HERC3: variants seen among roughly 807,000 people sequenced by gnomAD.
HERC3 encodes probable E3 ubiquitin-protein ligase HERC3.
A neutral mutation model predicts 129.9 loss-of-function variants in HERC3; 58 were observed. The ratio of observed to expected loss-of-function variants is 0.45; its 90% CI spans 0.36 to 0.56. HERC3 has a LOEUF of 0.56. Among genes scored for constraint, HERC3 ranks in the 20% least tolerant of loss-of-function variants. The pLI is 0.00. For synonymous variants in HERC3, 430 were observed against 451.0 expected, an observed-to-expected ratio of 0.95 and a Z score of 0.59; for missense variants, 835 against 1,244.2, an observed-to-expected ratio of 0.67 and a Z score of 4.95.
chr4:88,652,776 G>A lies in HERC3; in HGVS notation c.464-93G>A. On this transcript the variant is annotated intron_variant, in intron 5 of 25. Coordinates refer to ENST00000402738, the MANE Select transcript of HERC3 (RefSeq NM_014606.3). ...TGCTCTTGGGTGGGTTTGGTGTTGG[G>A]GGGCAACTGGCAAATGACCCTAATA... is the stretch of plus-strand genomic sequence containing the variant. 3.0e-6 allele frequency: 4 copies of A among 1,340,202 alleles called. No individual in the cohort carries two copies. The South Asian group carries it at 4.3e-5, about 14-fold the overall frequency. The allele number at this position is 1,340,202 out of a possible 1,614,324, so 83.0% of individuals were successfully genotyped here.
intron 23 of HERC3, among the ~76,000 whole-genome samples, chr4:88,689,405 G>C (rs899612890): frequency 1.3e-5 from 2 of 151,064 alleles, no homozygotes; most frequent in Admixed American, 6.6e-5. Flanking sequence ...TGTAGTTCCA[G>C]CTACTCAGGA....
At chr4:88,562,089 T>C in the HERC3 span, among the ~76,000 whole-genome samples, 1 of 152,324 alleles carries the variant, frequency 6.6e-6, no homozygotes, top group South Asian at 2.1e-4. Flanking sequence ...CCATAGTGGC[T>C]GTACTCATTT....
At chr4:88,652,372 T>TTTTTC (rs1472657512) in intron 5 of HERC3, among the ~76,000 whole-genome samples, 3 of 152,156 alleles carry the variant, frequency 2.0e-5, no homozygotes, top group African/African-American at 7.2e-5. Context: ...AGGAGATTGA[T>TTTTTC]TTTTCTTAGC....
chr4:88,703,544 G>A (rs184657158), intron 23 of HERC3, among the ~76,000 whole-genome samples: 18 of 152,080 alleles, frequency 1.2e-4, no homozygotes, highest in East Asian at 1.2e-3. Context: ...CAATTCACTC[G>A]TCTTCATTTG....
intron 10 of HERC3, among the ~76,000 whole-genome samples, chr4:88,660,617 T>G (rs1390805466): frequency 6.6e-6 from 1 of 152,218 alleles, no homozygotes; most frequent in African/African-American, 2.4e-5. Flanking sequence ...ATTCTAGGTC[T>G]TGGGAATTTA....
the HERC3 span, among the ~76,000 whole-genome samples, chr4:88,565,256 G>A: frequency 6.6e-6 from 1 of 152,020 alleles, no homozygotes; most frequent in Admixed American, 6.6e-5. Flanking sequence ...GGTCCATTTG[G>A]TCTACAGTAG....
At chr4:88,609,645 T>G (rs1724069428) in intron 3 of HERC3, among the ~76,000 whole-genome samples, 1 of 152,136 alleles carries the variant, frequency 6.6e-6, no homozygotes, top group Non-Finnish European at 1.5e-5. Context: ...TAGTTCTTGG[T>G]GAAGGGGATT....
chr4:88,615,833 A>G (rs765903157), intron 3 of HERC3, among the ~76,000 whole-genome samples: 21 of 152,332 alleles, frequency 1.4e-4, no homozygotes, highest in Non-Finnish European at 1.9e-4. Context: ...TTCCAATTTT[A>G]GTGTATATGC....
chr4:88,602,456 A>G (rs1331405452), intron 2 of HERC3, among the ~76,000 whole-genome samples: 1 of 151,612 alleles, frequency 6.6e-6, no homozygotes, highest in African/African-American at 2.4e-5. Flanking sequence ...TGTAATCTGA[A>G]TGTCCTTAAG....
chr4:88,569,336 G>T, the HERC3 span, among the ~76,000 whole-genome samples: 1 of 152,184 alleles, frequency 6.6e-6, no homozygotes, highest in Non-Finnish European at 1.5e-5. Context: ...GCTGCTACCT[G>T]GGGATGGGAG....
At chr4:88,646,763 G>A (rs1728733288) in intron 3 of HERC3, among the ~76,000 whole-genome samples, 1 of 152,176 alleles carries the variant, frequency 6.6e-6, no homozygotes, top group East Asian at 1.9e-4. Context: ...CTAGAAGAGG[G>A]ATCATAGTTC....
intron 16 of HERC3, among the ~76,000 whole-genome samples, chr4:88,671,062 T>TA (rs1731562178): frequency 6.6e-6 from 1 of 152,000 alleles, no homozygotes; most frequent in African/African-American, 2.4e-5. Flanking sequence ...GTATTTTAGA[T>TA]ATGCCATTCA....
chr4:88,658,399 A>ATT lies in HERC3; in HGVS notation c.1070-7_1070-6dup. 16 of 1,403,106 alleles carry ATT rather than the reference A, an allele frequency of 1.1e-5. No homozygotes were observed. The highest frequency in any genetic ancestry group is 3.9e-5 in the South Asian group (3 of 76,704). 86.9% of individuals were successfully genotyped at this position (1,403,106 alleles called of 1,614,324 possible). ...AATTAATGAAAAATATGCTTTCGGA[A>ATT]TTTTTTTTTTGACAGATCGCTTTAA... On this transcript the variant is annotated splice_polypyrimidine_tract_variant and intron_variant, in intron 9 of 25. Transcript: ENST00000402738.
At chr4:88,576,460 G>A in the HERC3 span, among the ~76,000 whole-genome samples, 1 of 152,144 alleles carries the variant, frequency 6.6e-6, no homozygotes, top group African/African-American at 2.4e-5. Flanking sequence ...AATCCTTTCA[G>A]TGCCTTGACA....
chr4:88,699,318 C>CCCACCGACCCACCCCTCCCCTCT (rs1735089722), intron 23 of HERC3, among the ~76,000 whole-genome samples: 1 of 29,882 alleles, frequency 3.3e-5, no homozygotes, highest in Non-Finnish European at 5.0e-5. Flanking sequence ...CACCCTCTTC[C>CCCACCGACCCACCCCTCCCCTCT]TCCCCACCCA....
chr4:88,600,306 T>A (rs1383202338), intron 2 of HERC3, among the ~76,000 whole-genome samples: 1 of 152,252 alleles, frequency 6.6e-6, no homozygotes, highest in Non-Finnish European at 1.5e-5. Flanking sequence ...TCATGGTGAA[T>A]ACCATATTAG....
Position 88,687,272 on chromosome 4 carries a change from A to ATAATG in HERC3, c.2634_2638dup (p.Thr880MetfsTer2). On this transcript the variant is annotated frameshift_variant, in exon 23 of 26. Transcript: ENST00000402738. LOFTEE classifies it high-confidence loss of function. ...CAGAAGAAGCTGATACCTGGGGGAG[A>ATAATG]TAATGTAACTGTGTGCAAGGATAAC... 6.2e-7 allele frequency: 1 copy of ATAATG among 1,612,650 alleles called. No individual in the cohort carries two copies.
At chr4:88,661,629 A>G (rs1453405164) in intron 10 of HERC3, among the ~76,000 whole-genome samples, 1 of 152,232 alleles carries the variant, frequency 6.6e-6, no homozygotes, top group Non-Finnish European at 1.5e-5. Context: ...AAAACAAGCA[A>G]TTTTAGAAAA....
At chr4:88,593,479 G>T (rs1285026895) in intron 1 of HERC3, 1 of 152,238 alleles carries the variant, frequency 6.6e-6, no homozygotes, top group African/African-American at 2.4e-5. Flanking sequence ...TATGCAGCAT[G>T]AGCTCCAGGG....
Sources: gnomAD v4.1 joint callset for allele counts (sites outside exome capture counted in the v4.1 genomes callset) on GRCh38, gnomAD v4.1.1 for gene constraint, MANE v1.5 for transcripts, NCBI Gene and HGNC (gene_info 2026-07-23, HGNC 2026-07-21) for gene names.